COL21A1: variants seen among roughly 807,000 people sequenced by gnomAD.
The protein encoded by COL21A1 is collagen alpha-1(XXI) chain.
A neutral mutation model predicts 137.9 loss-of-function variants in COL21A1; 149 were observed. That is an observed-to-expected ratio of 1.08 (90% CI 0.95 to 1.24). The LOEUF (loss-of-function observed/expected upper bound fraction) is 1.24, where lower values mean the gene tolerates loss of function less well. Ranked by LOEUF, COL21A1 falls within the 50% of genes most tolerant of loss-of-function variation. The pLI, the probability that COL21A1 is intolerant of heterozygous loss-of-function variation, is 0.00. For missense variants in COL21A1, 1,167 were observed against 1,158.4 expected (o/e 1.01, Z -0.11); for synonymous variants, 456 against 391.5 (o/e 1.16, Z -1.95).
At chr6:56,115,605 G>A (rs1455421526) in intron 16 of COL21A1, among the ~76,000 whole-genome samples, 1 of 152,070 alleles carries the variant, frequency 6.6e-6, no homozygotes, top group Admixed American at 6.5e-5. Context: ...ACTCTTCAAT[G>A]CCCAGACACT....
chr6:56,313,581 A>T (rs548119680), intron 1 of COL21A1, among the ~76,000 whole-genome samples: 1 of 152,224 alleles, frequency 6.6e-6, no homozygotes, highest in South Asian at 2.1e-4. Context: ...ATAAGGCCGC[A>T]GTGTTATCAG....
intron 1 of COL21A1, among the ~76,000 whole-genome samples, chr6:56,274,488 C>T (rs1454608409): frequency 2.0e-5 from 3 of 152,106 alleles, no homozygotes; most frequent in Admixed American, 6.5e-5. Context: ...TGCCAAAAGG[C>T]CTAGAACTGA....
intron 1 of COL21A1, among the ~76,000 whole-genome samples, chr6:56,365,630 C>T (rs972466824): frequency 6.6e-6 from 1 of 152,078 alleles, no homozygotes; most frequent in African/African-American, 2.4e-5. Flanking sequence ...CAATTCTATT[C>T]CCAATAGTCT....
At chr6:56,122,312 C>CTTTT (rs11410654) in intron 16 of COL21A1, among the ~76,000 whole-genome samples, 2 of 143,944 alleles carry the variant, frequency 1.4e-5, no homozygotes, top group African/African-American at 2.5e-5. Context: ...CATGCGGTTT[C>CTTTT]TTTTTTTTTT....
chr6:56,228,365 G>T (rs1781341023), intron 1 of COL21A1, among the ~76,000 whole-genome samples: 1 of 151,850 alleles, frequency 6.6e-6, no homozygotes. Context: ...GTTAAAACGG[G>T]CCAGGTCCTA....
At chr6:56,199,820 T>C (rs1779259496) in intron 1 of COL21A1, among the ~76,000 whole-genome samples, 1 of 152,164 alleles carries the variant, frequency 6.6e-6, no homozygotes, top group African/African-American at 2.4e-5. Context: ...GTGCCTACTA[T>C]GTGGCAGATA....
intron 1 of COL21A1, among the ~76,000 whole-genome samples, chr6:56,238,718 T>C (rs1173471290): frequency 6.6e-6 from 1 of 152,122 alleles, no homozygotes; most frequent in African/African-American, 2.4e-5. Context: ...AAGTACTAGG[T>C]GGATAATGGC....
chr6:56,349,361 T>A (rs910961231), intron 1 of COL21A1, among the ~76,000 whole-genome samples: 10 of 146,300 alleles, frequency 6.8e-5, no homozygotes, highest in East Asian at 2.0e-4. Flanking sequence ...AAAAAAAAAA[T>A]TTAACCACAT....
chr6:56,159,396 G>T lies in COL21A1; in HGVS notation c.1372-2447C>A, dbSNP rs1333140284. Reference sequence around the variant, plus strand: ...CACCCAGGCTGGAGTGCAATAGCATGATCCTGGCTCACCACAACCTCCACC... The same window carrying T: ...CACCCAGGCTGGAGTGCAATAGCATTATCCTGGCTCACCACAACCTCCACC... On this transcript the variant is annotated intron_variant, in intron 9 of 29. Transcript: ENST00000244728. Among the ~76,000 whole-genome samples the T allele has an allele frequency of 2.1e-5, 3 of 145,038 alleles. No homozygotes were observed. The East Asian group carries it at 6.1e-4, about 30-fold the overall frequency.
intron 1 of COL21A1, among the ~76,000 whole-genome samples, chr6:56,360,168 G>A (rs1765932619): frequency 6.6e-6 from 1 of 152,198 alleles, no homozygotes; most frequent in African/African-American, 2.4e-5. Context: ...AGTGACAGGG[G>A]AGTGGAGGGA....
At chr6:56,190,890 C>A (rs571843450) in intron 1 of COL21A1, among the ~76,000 whole-genome samples, 1 of 152,194 alleles carries the variant, frequency 6.6e-6, no homozygotes, top group African/African-American at 2.4e-5. Flanking sequence ...AATTCAACAC[C>A]CCTTCATGCT....
intron 1 of COL21A1, among the ~76,000 whole-genome samples, chr6:56,297,067 C>T (rs969475536): frequency 4.6e-5 from 7 of 151,972 alleles, no homozygotes; most frequent in African/African-American, 1.2e-4. Context: ...TAGTCTTCTG[C>T]TTTATTAAAT....
intron 16 of COL21A1, among the ~76,000 whole-genome samples, chr6:56,111,701 T>C (rs1369000575): frequency 1.2e-5 from 1 of 82,524 alleles, no homozygotes; most frequent in Non-Finnish European, 2.3e-5. Context: ...CCATCTCTAC[T>C]AAAAATACAA....
intron 1 of COL21A1, among the ~76,000 whole-genome samples, chr6:56,363,727 G>C (rs535706154): frequency 6.6e-6 from 1 of 152,322 alleles, no homozygotes; most frequent in African/African-American, 2.4e-5. Flanking sequence ...GTTTCAGGAA[G>C]CTTAGCATCA....
At chr6:56,209,922 T>C (rs1247069421) in intron 1 of COL21A1, among the ~76,000 whole-genome samples, 2 of 152,192 alleles carry the variant, frequency 1.3e-5, no homozygotes, top group Non-Finnish European at 2.9e-5. Flanking sequence ...GTGGCACATA[T>C]ACACCATGGA....
intron 1 of COL21A1, among the ~76,000 whole-genome samples, chr6:56,228,759 T>C (rs1181137122): frequency 2.6e-5 from 4 of 151,534 alleles, no homozygotes; most frequent in Non-Finnish European, 4.4e-5. Context: ...CTTTTGAGTG[T>C]CAAGGGTGAG....
At chr6:56,348,486 A>G (rs190593825) in intron 1 of COL21A1, among the ~76,000 whole-genome samples, 30 of 152,316 alleles carry the variant, frequency 2.0e-4, no homozygotes, top group Admixed American at 1.7e-3. Flanking sequence ...CTGGCCATCA[A>G]CTGAAATTTT....
intron 1 of COL21A1, among the ~76,000 whole-genome samples, chr6:56,315,262 C>T (rs542395292): frequency 3.3e-5 from 5 of 152,266 alleles, no homozygotes; most frequent in Admixed American, 6.5e-5. Flanking sequence ...CCTTGCCCCT[C>T]GGGCCTACAT....
intron 1 of COL21A1, among the ~76,000 whole-genome samples, chr6:56,245,594 G>A (rs1782594700): frequency 6.6e-6 from 1 of 152,202 alleles, no homozygotes; most frequent in Admixed American, 6.5e-5. Flanking sequence ...CACTTTAGAA[G>A]CATTATTTAA....
Sources: allele counts gnomAD v4.1 joint callset (sites outside exome capture counted in the v4.1 genomes callset), GRCh38; gene constraint gnomAD v4.1.1; transcripts MANE v1.5; gene names NCBI Gene and HGNC (gene_info 2026-07-23, HGNC 2026-07-21).